RSPH14: variants seen among roughly 807,000 people sequenced by gnomAD.
The protein encoded by RSPH14 is radial spoke head 14 homolog.
Under a neutral mutation model 26.7 loss-of-function variants are expected in RSPH14, and 20 were observed. That is an observed-to-expected ratio of 0.75 (90% CI 0.53 to 1.09). The LOEUF (loss-of-function observed/expected upper bound fraction) is 1.09, where lower values mean the gene tolerates loss of function less well. Among genes scored for constraint, RSPH14 ranks in the 50% least tolerant of loss-of-function variants. RSPH14 has a pLI of 0.00. For missense variants in RSPH14, 449 were observed against 457.2 expected (o/e 0.98, Z 0.16); for synonymous variants, 177 against 189.3 (o/e 0.93, Z 0.53).
intron 4 of RSPH14, among the ~76,000 whole-genome samples, chr22:23,102,752 C>T (rs2068396605): frequency 6.6e-6 from 1 of 152,240 alleles, no homozygotes; most frequent in Non-Finnish European, 1.5e-5. Context: ...TCCCAGGGCA[C>T]AAGCTGTCAC....
At chr22:23,080,374 G>A (rs191101649) in intron 4 of RSPH14, among the ~76,000 whole-genome samples, 5 of 151,272 alleles carry the variant, frequency 3.3e-5, no homozygotes, top group African/African-American at 9.9e-5. Flanking sequence ...TCATCTCCCC[G>A]GTCATCTCAT....
chr22:23,145,693 C>A (rs1323764133), upstream of RSPH14: 1 of 1,065,650 alleles, frequency 9.4e-7, no homozygotes, highest in Non-Finnish European at 1.3e-6. Flanking sequence ...GGCCCCGGGG[C>A]GTCCTCATTT....
the RSPH14 span, among the ~76,000 whole-genome samples, chr22:23,165,937 G>GAGAT: frequency 1.8e-4 from 27 of 152,186 alleles, no homozygotes; most frequent in East Asian, 4.3e-3. Flanking sequence ...ACGAGGTCAG[G>GAGAT]AGATAGAGAC....
At chr22:23,146,022 C>G (rs959870524), upstream of RSPH14, 192 of 984,802 alleles carry the variant, frequency 1.9e-4, no homozygotes, top group Non-Finnish European at 2.2e-4. Context: ...TGCCTCACAG[C>G]CCAGTAAGGT....
chr22:23,093,466 G>A (rs1373568692), intron 4 of RSPH14, among the ~76,000 whole-genome samples: 2 of 152,234 alleles, frequency 1.3e-5, no homozygotes, highest in African/African-American at 4.8e-5. Context: ...CTCTGGCTGG[G>A]GGTAGGGGCG....
intron 4 of RSPH14, 143 bp from the exon 5 acceptor site, chr22:23,064,276 C>A (rs985244323): frequency 4.2e-6 from 3 of 714,610 alleles, no homozygotes; most frequent in South Asian, 1.8e-5. Context: ...CCCCCACACA[C>A]ACGTCCCGCC....
chr22:23,127,246 A>G (rs916584), intron 4 of RSPH14, among the ~76,000 whole-genome samples: 77,955 of 151,652 alleles, frequency 0.51, 20,255 homozygotes, highest in Middle Eastern at 0.58. Flanking sequence ...GCTGGACCTC[A>G]CCCTGGATGA....
intron 4 of RSPH14, among the ~76,000 whole-genome samples, chr22:23,103,443 T>C (rs760474567): frequency 6.6e-6 from 1 of 152,138 alleles, no homozygotes; most frequent in Non-Finnish European, 1.5e-5. Context: ...CCCGACAGTG[T>C]CCTTGCCTGT....
intron 4 of RSPH14, among the ~76,000 whole-genome samples, chr22:23,107,032 T>G (rs2069502428): frequency 6.6e-6 from 1 of 152,266 alleles, no homozygotes; most frequent in Admixed American, 6.5e-5. Context: ...GCTCAGCTGT[T>G]TCTGGCAGGT....
At chr22:23,159,181 C>A in the RSPH14 span, 2 of 1,611,174 alleles carry the variant, frequency 1.2e-6, no homozygotes, top group Admixed American at 3.3e-5. Context: ...CGCATGTGAG[C>A]AGGCCGAAGC....
chr22:23,123,526 A>G lies in RSPH14; in HGVS notation c.421+10500T>C, dbSNP rs1436666236. 9 of 742,204 alleles carry G rather than the reference A, an allele frequency of 1.2e-5. No homozygotes were observed. In the Admixed American group the frequency reaches 1.3e-4, roughly 11 times the overall value. 46.0% of individuals were successfully genotyped at this position (742,204 alleles called of 1,614,324 possible). A position where few individuals can be genotyped will look rare whatever the true frequency, so the allele number is the denominator to read the frequency against. On this transcript the variant is annotated intron_variant, in intron 4 of 6. Transcript: ENST00000216036. Reference sequence around the variant, plus strand: ...GAGGCCCAATCCAGGGGCAGAAAACAGGGGGCCTAAAGAATGTCCCCCACC... The same window carrying G: ...GAGGCCCAATCCAGGGGCAGAAAACGGGGGGCCTAAAGAATGTCCCCCACC...
At chr22:23,118,078 G>C (rs1211761697) in intron 4 of RSPH14, among the ~76,000 whole-genome samples, 1 of 152,240 alleles carries the variant, frequency 6.6e-6, no homozygotes, top group Non-Finnish European at 1.5e-5. Context: ...CCCTGCTGTA[G>C]TGAGAAAGCC....
chr22:23,067,469 G>A (rs956463275), intron 4 of RSPH14, among the ~76,000 whole-genome samples: 2 of 152,188 alleles, frequency 1.3e-5, no homozygotes, highest in African/African-American at 4.8e-5. Flanking sequence ...GGCATCTGGG[G>A]CCCACCTTGC....
At chr22:23,118,413 G>A (rs552667469) in intron 4 of RSPH14, among the ~76,000 whole-genome samples, 2 of 152,354 alleles carry the variant, frequency 1.3e-5, no homozygotes, top group African/African-American at 2.4e-5. Flanking sequence ...ATGGGCACTG[G>A]AGCCCTGGGC....
the RSPH14 span, among the ~76,000 whole-genome samples, chr22:23,178,240 C>G: frequency 6.6e-6 from 1 of 152,148 alleles, no homozygotes; most frequent in Non-Finnish European, 1.5e-5. Context: ...CACAGTGAAA[C>G]CCCGTCTCTA....
intron 4 of RSPH14, among the ~76,000 whole-genome samples, chr22:23,108,344 A>G (rs1348731038): frequency 6.6e-6 from 1 of 152,240 alleles, no homozygotes; most frequent in Non-Finnish European, 1.5e-5. Context: ...GCAGCAAATT[A>G]AAAGGGTTGG....
the RSPH14 span, chr22:23,153,692 CTTTTTTTTTT>C: frequency 3.7e-6 from 1 of 273,156 alleles, no homozygotes; most frequent in Non-Finnish European, 4.5e-6. Context: ...CCACTTCTGT[CTTTTTTTTTT>C]TTTTTTTTTT....
intron 4 of RSPH14, among the ~76,000 whole-genome samples, chr22:23,099,597 C>T (rs1458494321): frequency 6.6e-6 from 1 of 152,254 alleles, no homozygotes; most frequent in East Asian, 1.9e-4. Context: ...CTGGCGCTGG[C>T]GGGCCCCCAG....
chr22:23,154,582 T>C, the RSPH14 span, among the ~76,000 whole-genome samples: 1 of 152,132 alleles, frequency 6.6e-6, no homozygotes, highest in African/African-American at 2.4e-5. Flanking sequence ...AAAGACTGGC[T>C]GGGGGCTGGG....
Sources: allele counts gnomAD v4.1 joint callset (sites outside exome capture counted in the v4.1 genomes callset), GRCh38; gene constraint gnomAD v4.1.1; transcripts MANE v1.5; gene names NCBI Gene and HGNC (gene_info 2026-07-23, HGNC 2026-07-21).